Variants in MORC2 observed in about 807,000 individuals in gnomAD.
MORC2 encodes ATPase MORC2.
In MORC2, 30 loss-of-function variants were observed where a neutral mutation model predicts 136.0. That is an observed-to-expected ratio of 0.22 (90% confidence interval 0.17 to 0.30). MORC2 has a LOEUF of 0.30. Ranked by LOEUF, MORC2 falls within the 10% of genes least tolerant of loss-of-function variation. The probability of loss-of-function intolerance (pLI) is 1.00; values close to 1 mark genes in which losing one functional copy is unlikely to be tolerated. For missense variants in MORC2, 922 were observed against 1,333.1 expected (o/e 0.69, Z 4.80); for synonymous variants, 439 against 487.0 (o/e 0.90, Z 1.30).
At chr22:30,938,444 A>G (rs2040689507) in intron 12 of MORC2, among the ~76,000 whole-genome samples, 1 of 152,226 alleles carries the variant, frequency 6.6e-6, no homozygotes, top group African/African-American at 2.4e-5. Context: ...CAAACCATTC[A>G]TATTCATTAA....
Position 30,928,034 on chromosome 22 carries a change from C to G in MORC2, c.3015G>C (p.Leu1005=), listed in dbSNP as rs765411579. 5.1e-5 allele frequency: 83 copies of G among 1,613,378 alleles called. No individual in the cohort carries two copies. In the Admixed American group the frequency reaches 1.3e-3, roughly 26 times the overall value. Residue 1005 remains leucine (L), a synonymous_variant, in exon 25 of 26, where the codon CTG becomes CTC. Transcript: ENST00000397641. Reference sequence around the variant, plus strand: ...CCGGGCTCACCTCCTGCACCTTTTGCAGGAGTGCCACGATGTTGGTCCTCA... The same window carrying G: ...CCGGGCTCACCTCCTGCACCTTTTGGAGGAGTGCCACGATGTTGGTCCTCA... ...QKLRTNIVAL[L]QKVQEDIDIN...
In MORC2 at chr22:30,946,460, A is replaced by G. The variant is rs973578745; in HGVS notation, c.318-11T>C. The G allele has an allele frequency of 6.3e-7, 1 of 1,599,732 alleles. No individual in the cohort carries two copies. Among genetic ancestry groups the G allele is most frequent in the East Asian group, 2.2e-5 (1 of 44,456 alleles). ...ATGCGCATTGAGCCCCTGAAAAGGA[A>G]ACAGAAATGGGTGTTATTCTCCCAG... is the stretch of plus-strand genomic sequence containing the variant. On this transcript the variant is annotated splice_polypyrimidine_tract_variant and intron_variant, in intron 5 of 25. Coordinates refer to ENST00000397641, the MANE Select transcript of MORC2 (RefSeq NM_001303256.3).
chr22:30,929,893 A>C (rs1198381507), intron 24 of MORC2: 1 of 152,200 alleles, frequency 6.6e-6, no homozygotes, highest in East Asian at 1.9e-4. Flanking sequence ...TCTGTCACCC[A>C]GGCTGGAGTC....
rs369380615 is a variant in MORC2 at position 30,942,085 on chromosome 22, G to A, written c.586+27C>T. 1.1e-5 allele frequency: 17 copies of A among 1,611,768 alleles called. No individual in the cohort carries two copies. The African/African-American group carries it at 1.5e-4, about 14-fold the overall frequency. On this transcript the variant is annotated intron_variant, in intron 7 of 25. Coordinates refer to ENST00000397641, the MANE Select transcript of MORC2 (RefSeq NM_001303256.3). ...GTGATTCTGGAGCTCCCAGATTCTA[G>A]GGGCTACAGGCTCAAAGCCTACTTA...
chr22:30,936,486 T>C (rs1220255716), intron 17 of MORC2, 25 bp downstream of exon 17: 29 of 1,613,354 alleles, frequency 1.8e-5, no homozygotes, highest in Non-Finnish European at 2.4e-5. Context: ...AGGCTGGCTT[T>C]GCCCACTGAC....
chr22:30,950,004 T>C (rs143976050), intron 4 of MORC2, among the ~76,000 whole-genome samples, 162 bp from the exon 5 acceptor site: 276 of 152,346 alleles, frequency 1.8e-3, no homozygotes, highest in African/African-American at 6.4e-3. Flanking sequence ...AGGCACAGCT[T>C]TGCCTGGCCT....
At chr22:30,939,018 C>T (rs1398245775) in intron 12 of MORC2, among the ~76,000 whole-genome samples, 1 of 152,154 alleles carries the variant, frequency 6.6e-6, no homozygotes, top group Non-Finnish European at 1.5e-5. Flanking sequence ...ACCTGAAACC[C>T]ATGCCTGTGC....
intron 5 of MORC2, among the ~76,000 whole-genome samples, chr22:30,947,033 T>C (rs2040827458): frequency 2.0e-5 from 3 of 152,102 alleles, no homozygotes; most frequent in African/African-American, 7.2e-5. Context: ...AAAACATCAG[T>C]ATGAACCCAA....
rs1397810971 is a variant in MORC2 at position 30,926,756 on chromosome 22, C to T, written c.*47G>A. ...ATGAAGTCCCCTCCCCCTGCAGCTACAGGGTTGAGGGGCAGGTGGGCAGGG... is the reference window on the plus strand; with the variant it reads ...ATGAAGTCCCCTCCCCCTGCAGCTATAGGGTTGAGGGGCAGGTGGGCAGGG... On this transcript the variant is annotated 3_prime_UTR_variant, in exon 26 of 26. Coordinates refer to ENST00000397641, the MANE Select transcript of MORC2 (RefSeq NM_001303256.3). 1 of 1,523,016 alleles carries T rather than the reference C, an allele frequency of 6.6e-7. No homozygotes were observed. The highest frequency in any genetic ancestry group is 9.1e-7 in the Non-Finnish European group (1 of 1,102,782). 94.3% of individuals were successfully genotyped at this position (1,523,016 alleles called of 1,614,324 possible).
At chr22:30,951,352 T>C (rs2040883388) in intron 3 of MORC2, among the ~76,000 whole-genome samples, 2 of 152,196 alleles carry the variant, frequency 1.3e-5, no homozygotes, top group Non-Finnish European at 2.9e-5. Flanking sequence ...TTCCCAAATA[T>C]GGAAACAGGC....
chr22:30,928,680 A>G (rs529776818), intron 24 of MORC2, among the ~76,000 whole-genome samples: 1 of 152,310 alleles, frequency 6.6e-6, no homozygotes, highest in East Asian at 1.9e-4. Flanking sequence ...GGAGTAGTAT[A>G]TACTTCTACA....
chr22:30,950,344 C>A, intron 4 of MORC2, 33 bp downstream of exon 4: 2 of 709,460 alleles, frequency 2.8e-6, no homozygotes, highest in Admixed American at 2.0e-5. Context: ...ATCGCACCCC[C>A]CCACCCCCCA....
chr22:30,935,008 A>C lies in MORC2; in HGVS notation c.1966T>G (p.Leu656Val). Residue 656 changes from leucine to valine, a missense_variant, in exon 19 of 26, where the codon TTG (leucine) becomes GTG (valine). Leu to Val is a conservative substitution (Grantham distance 32). This residue lies in a region of MORC2 where 184 missense variants were observed against 180.3 expected (regional missense o/e 1.02). Coordinates refer to ENST00000397641, the MANE Select transcript of MORC2 (RefSeq NM_001303256.3). ...VISSTPKLPALAAREEASTSR... is the reference protein window; with the variant it reads ...VISSTPKLPAVAAREEASTSR... ...GTGCTGGCCTCCTCCCGGGCTGCCA[A>C]AGCAGGGAGCTTTGGGGTACTGCTG... 1.9e-6 allele frequency: 3 copies of C among 1,614,032 alleles called. No individual in the cohort carries two copies. The highest frequency in any genetic ancestry group is 2.7e-5 in the African/African-American group (2 of 74,980).
At chr22:30,929,157 C>T (rs1321075829) in intron 24 of MORC2, among the ~76,000 whole-genome samples, 4 of 152,234 alleles carry the variant, frequency 2.6e-5, no homozygotes, top group African/African-American at 9.6e-5. Context: ...TAGTTCTACA[C>T]AAAACAGTAA....
chr22:30,959,172 G>T (rs773254900), intron 1 of MORC2, among the ~76,000 whole-genome samples: 2 of 152,160 alleles, frequency 1.3e-5, no homozygotes, highest in Non-Finnish European at 2.9e-5. Flanking sequence ...CTGGAGTATA[G>T]TAAGTTTTGA....
chr22:30,950,340 C>CCCA, intron 4 of MORC2, 37 bp downstream of exon 4: 2 of 432,070 alleles, frequency 4.6e-6, no homozygotes, highest in South Asian at 2.3e-5. Context: ...TTACATCGCA[C>CCCA]CCCCCCACCC....
intron 5 of MORC2, among the ~76,000 whole-genome samples, chr22:30,948,523 GT>G (rs1602498451): frequency 6.6e-6 from 1 of 152,222 alleles, no homozygotes; most frequent in East Asian, 1.9e-4. Context: ...ATGATAGCAT[GT>G]AATTCTTAAC....
At chr22:30,938,279 C>A in intron 12 of MORC2, 74 bp from the exon 13 acceptor site, 2 of 1,552,252 alleles carry the variant, frequency 1.3e-6, no homozygotes, top group Non-Finnish European at 8.8e-7. Flanking sequence ...ATGTGTTAAG[C>A]TTAAGCTTAA....
At chr22:30,955,862 T>C (rs1347659450) in intron 3 of MORC2, among the ~76,000 whole-genome samples, 1 of 151,688 alleles carries the variant, frequency 6.6e-6, no homozygotes, top group Admixed American at 6.6e-5. Flanking sequence ...TACAAAAAAT[T>C]AGCCGGGTGT....
Sources: gnomAD v4.1 joint callset for allele counts (sites outside exome capture counted in the v4.1 genomes callset) on GRCh38, gnomAD v4.1.1 for gene constraint, gnomAD v4.1.1 regional missense constraint, MANE v1.5 for transcripts, NCBI Gene and HGNC (gene_info 2026-07-23, HGNC 2026-07-21) for gene names.